Variants in GRID2 observed in about 807,000 individuals in gnomAD.
GRID2 encodes the protein glutamate ionotropic receptor delta type subunit 2, also known as glutamate receptor ionotropic, delta-2.
In GRID2, 33 loss-of-function variants were observed where a neutral mutation model predicts 114.8. The observed-to-expected ratio is 0.29, with a 90% CI of 0.22 to 0.38. GRID2 has a LOEUF of 0.38. Among genes scored for constraint, GRID2 ranks in the 10% least tolerant of loss-of-function variants. GRID2 has a pLI of 1.00. For synonymous variants in GRID2, 505 were observed against 449.9 expected, an observed-to-expected ratio of 1.12 and a Z score of -1.55; for missense variants, 1,184 against 1,257.7, an observed-to-expected ratio of 0.94 and a Z score of 0.89.
chr4:93,614,466 C>G (rs1184474425), intron 13 of GRID2, among the ~76,000 whole-genome samples: 19 of 152,062 alleles, frequency 1.2e-4, no homozygotes, highest in Non-Finnish European at 2.8e-4. Context: ...TGCATCAGAT[C>G]AAAACCCATA....
chr4:92,959,098 C>G (rs1485603259), intron 2 of GRID2, among the ~76,000 whole-genome samples: 1 of 125,710 alleles, frequency 8.0e-6, no homozygotes, highest in Non-Finnish European at 1.7e-5. Flanking sequence ...TAAAGGCATA[C>G]AGATTTTATT....
intron 4 of GRID2, among the ~76,000 whole-genome samples, chr4:93,190,207 C>T (rs1461536662): frequency 6.6e-6 from 1 of 151,986 alleles, no homozygotes; most frequent in Non-Finnish European, 1.5e-5. Flanking sequence ...AAAGAAACAA[C>T]AAACTGTATT....
chr4:92,950,098 G>A (rs941901540), intron 2 of GRID2, among the ~76,000 whole-genome samples: 1 of 152,100 alleles, frequency 6.6e-6, no homozygotes, highest in Non-Finnish European at 1.5e-5. Flanking sequence ...GTCCTGTTTT[G>A]CTTCTCTGGC....
At chr4:92,418,708 A>C (rs569354119) in intron 1 of GRID2, among the ~76,000 whole-genome samples, 190 of 152,200 alleles carry the variant, frequency 1.2e-3, no homozygotes, top group African/African-American at 4.4e-3. Context: ...TCATTCATCA[A>C]GTTTGGGTCT....
At chr4:93,425,470 C>T (rs964457364) in intron 10 of GRID2, among the ~76,000 whole-genome samples, 1 of 152,152 alleles carries the variant, frequency 6.6e-6, no homozygotes, top group Non-Finnish European at 1.5e-5. Context: ...TGGTTCTCCT[C>T]AAGCCCTTCT....
intron 4 of GRID2, among the ~76,000 whole-genome samples, chr4:93,176,327 C>A (rs1358503661): frequency 1.3e-5 from 2 of 151,998 alleles, no homozygotes; most frequent in African/African-American, 4.8e-5. Flanking sequence ...TGTGATGAGC[C>A]TAAAGTGAAA....
chr4:92,860,977 A>T (rs1229708031), intron 2 of GRID2, among the ~76,000 whole-genome samples: 1 of 152,086 alleles, frequency 6.6e-6, no homozygotes, highest in Admixed American at 6.6e-5. Flanking sequence ...ATAATATAAT[A>T]TGTTAAGTTT....
intron 2 of GRID2, among the ~76,000 whole-genome samples, chr4:92,947,120 T>C (rs190459783): frequency 9.6e-4 from 146 of 152,192 alleles, no homozygotes; most frequent in African/African-American, 3.4e-3. Context: ...AAACTGGGTT[T>C]ATTTATATGT....
chr4:93,235,152 C>T (rs1339002301), intron 7 of GRID2, among the ~76,000 whole-genome samples: 1 of 151,980 alleles, frequency 6.6e-6, no homozygotes, highest in Non-Finnish European at 1.5e-5. Context: ...CTCTGATTCT[C>T]TTCTTTTAAT....
intron 2 of GRID2, among the ~76,000 whole-genome samples, chr4:93,058,716 C>T (rs999868370): frequency 3.3e-5 from 5 of 151,726 alleles, no homozygotes; most frequent in African/African-American, 1.2e-4. Context: ...TTTCTTAAGG[C>T]ATCATATATG....
chr4:92,638,901 G>A (rs1731209215), intron 2 of GRID2, among the ~76,000 whole-genome samples: 1 of 150,664 alleles, frequency 6.6e-6, no homozygotes, highest in Admixed American at 6.6e-5. Flanking sequence ...TTATAAATAG[G>A]ATATTTCTTA....
chr4:93,626,925 G>A (rs535830448), intron 14 of GRID2, among the ~76,000 whole-genome samples: 7 of 152,266 alleles, frequency 4.6e-5, no homozygotes, highest in Non-Finnish European at 7.4e-5. Context: ...GGAGTTCCCC[G>A]CTTAACATCA....
chr4:93,125,069 C>T (rs1419991814), intron 4 of GRID2, among the ~76,000 whole-genome samples: 2 of 151,854 alleles, frequency 1.3e-5, no homozygotes, highest in African/African-American at 2.4e-5. Context: ...GAGGTAAGAG[C>T]TAGAGTATAG....
At chr4:93,125,547 G>A (rs756384788) in intron 4 of GRID2, among the ~76,000 whole-genome samples, 3 of 151,786 alleles carry the variant, frequency 2.0e-5, no homozygotes, top group African/African-American at 4.8e-5. Flanking sequence ...CTCTCTAATC[G>A]GCCAAAAACT....
chr4:92,943,101 A>G (rs976087307), intron 2 of GRID2, among the ~76,000 whole-genome samples: 3 of 152,022 alleles, frequency 2.0e-5, no homozygotes, highest in East Asian at 3.9e-4. Flanking sequence ...TACTTCCTGA[A>G]TTTGAATGTT....
chr4:92,814,650 C>T (rs1740800267), intron 2 of GRID2, among the ~76,000 whole-genome samples: 1 of 152,272 alleles, frequency 6.6e-6, no homozygotes, highest in South Asian at 2.1e-4. Context: ...GGCAACACTT[C>T]ACTGCTATGC....
chr4:92,885,223 T>C (rs1043304597), intron 2 of GRID2: 4 of 166,856 alleles, frequency 2.4e-5, no homozygotes, highest in Admixed American at 6.4e-5. Flanking sequence ...TGTACTTTTA[T>C]GAATTAATGA....
chr4:93,244,316 T>C (rs1396164908), intron 8 of GRID2, among the ~76,000 whole-genome samples: 2 of 151,788 alleles, frequency 1.3e-5, no homozygotes, highest in African/African-American at 4.8e-5. Context: ...TTCTCATAAG[T>C]TGGTAAAATA....
intron 2 of GRID2, among the ~76,000 whole-genome samples, chr4:93,050,861 T>A (rs1223402810): frequency 6.6e-6 from 1 of 152,050 alleles, no homozygotes; most frequent in Admixed American, 6.6e-5. Context: ...GCTGTCATTA[T>A]CCTTGCTTTC....
Sources: gnomAD v4.1 joint callset for allele counts (sites outside exome capture counted in the v4.1 genomes callset) on GRCh38, gnomAD v4.1.1 for gene constraint, MANE v1.5 for transcripts, NCBI Gene and HGNC (gene_info 2026-07-23, HGNC 2026-07-21) for gene names.